MAGI2: variants seen among roughly 807,000 people sequenced by gnomAD.
The protein encoded by MAGI2 is membrane-associated guanylate kinase, WW and PDZ domain-containing protein 2.
A neutral mutation model predicts 133.3 loss-of-function variants in MAGI2; 35 were observed. That is an observed-to-expected ratio of 0.26 (90% confidence interval 0.20 to 0.35). The LOEUF is 0.35. MAGI2 is among the 10% of genes least tolerant of loss of function. MAGI2 has a pLI of 1.00. For synonymous variants in MAGI2, 729 were observed against 710.6 expected (o/e 1.03, Z -0.41); for missense variants, 1,636 against 1,863.4 (o/e 0.88, Z 2.25).
chr7:78,647,521 A>G (rs1811026995), intron 2 of MAGI2, among the ~76,000 whole-genome samples: 1 of 152,238 alleles, frequency 6.6e-6, no homozygotes, highest in Non-Finnish European at 1.5e-5. Flanking sequence ...ATGTGGAGAA[A>G]TAGGAACGCT....
chr7:78,553,596 T>G (rs763765950), intron 3 of MAGI2, among the ~76,000 whole-genome samples: 1 of 152,200 alleles, frequency 6.6e-6, no homozygotes, highest in African/African-American at 2.4e-5. Context: ...AGTTAGATGA[T>G]TATCTCATTA....
intron 1 of MAGI2, among the ~76,000 whole-genome samples, chr7:79,199,734 C>T (rs1279404515): frequency 1.3e-5 from 2 of 151,876 alleles, no homozygotes; most frequent in African/African-American, 4.9e-5. Flanking sequence ...TTTCTAAAAG[C>T]CTCTAGGTGA....
At chr7:78,910,253 TAAAGTA>T (rs1390865035) in intron 2 of MAGI2, among the ~76,000 whole-genome samples, 1 of 137,760 alleles carries the variant, frequency 7.3e-6, no homozygotes, top group Non-Finnish European at 1.5e-5. Context: ...TCCTGGAACT[TAAAGTA>T]ATTCTTTTTT....
chr7:78,402,711 C>A (rs1797001787), intron 6 of MAGI2, among the ~76,000 whole-genome samples: 1 of 152,124 alleles, frequency 6.6e-6, no homozygotes, highest in Non-Finnish European at 1.5e-5. Flanking sequence ...AATTTTAATT[C>A]TTGCTCAAAT....
At chr7:79,213,770 C>A (rs1829721087) in intron 1 of MAGI2, among the ~76,000 whole-genome samples, 1 of 152,002 alleles carries the variant, frequency 6.6e-6, no homozygotes, top group African/African-American at 2.4e-5. Context: ...GGCTACCCAG[C>A]CCTTTTTTCT....
Position 78,125,701 on chromosome 7 carries a change from C to T in MAGI2, c.3560G>A (p.Arg1187Lys), listed in dbSNP as rs370058069. Residue 1187 changes from arginine (R) to lysine (K), a missense_variant, in exon 20 of 22, where the codon AGG becomes AAG. Arg to Lys is a conservative substitution (Grantham distance 26). Around this residue, in one of 5 missense-constraint regions of MAGI2, gnomAD observed 49 missense variants for 103.8 expected, o/e 0.47. Transcript: ENST00000354212. ...AEDGPAIRNG[R>K]MRVGDQIIEI... Reference sequence around the variant, plus strand: ...AAAAGAGACTGTTCTTACCCTCATCCTCCCATTCCTTATTGCTGGTCCATC... The same window carrying T: ...AAAAGAGACTGTTCTTACCCTCATCTTCCCATTCCTTATTGCTGGTCCATC... 156 of 1,613,860 alleles carry T rather than the reference C, an allele frequency of 9.7e-5. No individual in the cohort carries two copies. The highest frequency in any genetic ancestry group is 1.3e-4 in the Non-Finnish European group (154 of 1,179,890).
intron 2 of MAGI2, among the ~76,000 whole-genome samples, chr7:78,730,224 A>G (rs1344885793): frequency 6.6e-6 from 1 of 152,158 alleles, no homozygotes; most frequent in Non-Finnish European, 1.5e-5. Flanking sequence ...TATACCTTAA[A>G]TTTTTATCCC....
chr7:79,163,594 G>C (rs1350959979), intron 1 of MAGI2, among the ~76,000 whole-genome samples: 1 of 152,038 alleles, frequency 6.6e-6, no homozygotes, highest in African/African-American at 2.4e-5. Context: ...GTTGAATTCT[G>C]ATTTAATGCT....
chr7:78,189,819 A>G (rs1228404203), intron 12 of MAGI2, among the ~76,000 whole-genome samples: 1 of 152,220 alleles, frequency 6.6e-6, no homozygotes, highest in Non-Finnish European at 1.5e-5. Flanking sequence ...AAGCCCTTAG[A>G]GTAAGACTAG....
chr7:78,024,711 A>C (rs1332056543), intron 21 of MAGI2, among the ~76,000 whole-genome samples: 2 of 152,224 alleles, frequency 1.3e-5, no homozygotes, highest in African/African-American at 4.8e-5. Flanking sequence ...CCACGTGTGG[A>C]CATCTTTCAT....
intron 1 of MAGI2, among the ~76,000 whole-genome samples, chr7:79,098,598 C>T (rs76050782): frequency 0.036 from 5,478 of 152,204 alleles, 208 homozygotes; most frequent in African/African-American, 0.097. Context: ...CTTAAATAGA[C>T]CTTTACTTAG....
Position 78,389,597 on chromosome 7 carries a change from G to A in MAGI2, c.1046-20384C>T, listed in dbSNP as rs543108096. ...CTAGACAGATATTTGGGTAGCACAC[G>A]GAATTTTGGCTTCCTGTGATATTAA... On this transcript the variant is annotated intron_variant, in intron 6 of 21. Coordinates refer to ENST00000354212, the MANE Select transcript of MAGI2 (RefSeq NM_012301.4). Among the ~76,000 whole-genome samples, 42 of 152,226 alleles carry A rather than the reference G, an allele frequency of 2.8e-4. 1 individual carries two copies. The highest frequency in any genetic ancestry group is 7.9e-4 in the Admixed American group (12 of 15,272).
intron 2 of MAGI2, among the ~76,000 whole-genome samples, chr7:78,739,030 C>T (rs754113362): frequency 4.6e-5 from 7 of 152,168 alleles, no homozygotes; most frequent in Non-Finnish European, 8.8e-5. Context: ...AAAAGAGATA[C>T]TCAGTTTAGC....
At chr7:79,150,814 C>T (rs2129546948) in intron 1 of MAGI2, among the ~76,000 whole-genome samples, 1 of 151,888 alleles carries the variant, frequency 6.6e-6, no homozygotes, top group East Asian at 1.9e-4. Flanking sequence ...CCTATAGTAA[C>T]TAAACCCTAC....
chr7:78,884,871 C>A (rs1385777625), intron 2 of MAGI2, among the ~76,000 whole-genome samples: 1 of 152,128 alleles, frequency 6.6e-6, no homozygotes, highest in South Asian at 2.1e-4. Context: ...CCTATACATG[C>A]ATGTTTATCA....
intron 16 of MAGI2, among the ~76,000 whole-genome samples, chr7:78,157,138 T>A (rs1229219744): frequency 6.6e-6 from 1 of 152,212 alleles, no homozygotes; most frequent in African/African-American, 2.4e-5. Context: ...TCCAGGAAGC[T>A]TTTAGGTGCA....
chr7:78,480,128 A>C (rs767328714), intron 6 of MAGI2, among the ~76,000 whole-genome samples: 2 of 151,890 alleles, frequency 1.3e-5, no homozygotes, highest in African/African-American at 2.4e-5. Flanking sequence ...TAAACTACCA[A>C]AACTAACAAG....
chr7:78,972,413 T>G (rs535084245), intron 2 of MAGI2, among the ~76,000 whole-genome samples: 2 of 152,042 alleles, frequency 1.3e-5, no homozygotes, highest in African/African-American at 4.8e-5. Flanking sequence ...TTCTTAAATA[T>G]CCTTTTATTT....
intron 6 of MAGI2, among the ~76,000 whole-genome samples, chr7:78,420,448 C>A (rs1798695812): frequency 1.3e-5 from 2 of 152,146 alleles, no homozygotes; most frequent in Non-Finnish European, 2.9e-5. Flanking sequence ...TACCCAGCCT[C>A]TTTCAGGAGC....
Sources: allele counts gnomAD v4.1 joint callset (sites outside exome capture counted in the v4.1 genomes callset), GRCh38; gene constraint gnomAD v4.1.1; regional missense constraint gnomAD v4.1.1; transcripts MANE v1.5; gene names NCBI Gene and HGNC (gene_info 2026-07-23, HGNC 2026-07-21).